The following ELAPOR2 variants were observed in gnomAD, a reference collection of about 807,000 sequenced individuals.
ELAPOR2 encodes endosome/lysosome-associated apoptosis and autophagy regulator family member 2.
In ELAPOR2, 89 loss-of-function variants were observed where a neutral mutation model predicts 120.7. The observed-to-expected ratio is 0.74, with a 90% CI of 0.62 to 0.88. The LOEUF (loss-of-function observed/expected upper bound fraction) is 0.88. Ranked by LOEUF, ELAPOR2 falls within the 40% of genes least tolerant of loss-of-function variation. The pLI is 0.00. For synonymous variants in ELAPOR2, 444 were observed against 444.9 expected, an observed-to-expected ratio of 1.00 and a Z score of 0.03; for missense variants, 1,134 against 1,251.6, an observed-to-expected ratio of 0.91 and a Z score of 1.42.
At chr7:86,934,467 T>C (rs1487149799) in intron 8 of ELAPOR2, among the ~76,000 whole-genome samples, 1 of 152,026 alleles carries the variant, frequency 6.6e-6, no homozygotes, top group Non-Finnish European at 1.5e-5. Flanking sequence ...CCAAATCCAA[T>C]GGATACTTTT....
chr7:86,959,688 T>C (rs1167394689), intron 2 of ELAPOR2, among the ~76,000 whole-genome samples: 2 of 152,234 alleles, frequency 1.3e-5, no homozygotes, highest in East Asian at 1.9e-4. Flanking sequence ...GGTCATGACA[T>C]ATTCTTCTTT....
At chr7:86,977,468 A>G (rs879287354) in intron 1 of ELAPOR2, among the ~76,000 whole-genome samples, 4 of 151,852 alleles carry the variant, frequency 2.6e-5, no homozygotes, top group Non-Finnish European at 4.4e-5. Context: ...CTTTCACCCA[A>G]TCTCTCCCCG....
chr7:87,033,073 G>GATT (rs2116738943), intron 1 of ELAPOR2, among the ~76,000 whole-genome samples: 2 of 152,316 alleles, frequency 1.3e-5, no homozygotes, highest in East Asian at 3.9e-4. Flanking sequence ...TAGCCTCTAA[G>GATT]AATCAGTCAT....
At chr7:86,894,397 G>A (rs576381419) in intron 19 of ELAPOR2, among the ~76,000 whole-genome samples, 6 of 151,878 alleles carry the variant, frequency 4.0e-5, no homozygotes, top group Non-Finnish European at 5.9e-5. Flanking sequence ...AAACAAATTC[G>A]TCAGCAAATG....
intron 1 of ELAPOR2, among the ~76,000 whole-genome samples, chr7:87,015,087 C>A (rs895484284): frequency 4.6e-5 from 7 of 151,994 alleles, no homozygotes; most frequent in African/African-American, 1.7e-4. Flanking sequence ...TAAATTTGCA[C>A]ATGCTAATAG....
chr7:86,983,794 C>T (rs545017023), intron 1 of ELAPOR2, among the ~76,000 whole-genome samples: 5 of 152,256 alleles, frequency 3.3e-5, no homozygotes, highest in Non-Finnish European at 5.9e-5. Context: ...GGCAAAATAA[C>T]CAGCTAACAT....
chr7:86,984,630 T>C (rs913803673), intron 1 of ELAPOR2, among the ~76,000 whole-genome samples: 3 of 152,136 alleles, frequency 2.0e-5, no homozygotes, highest in African/African-American at 7.2e-5. Context: ...ATGTTCTTTG[T>C]AACCAATGAG....
chr7:86,942,856 A>G (rs924633537), intron 4 of ELAPOR2, among the ~76,000 whole-genome samples: 3 of 152,028 alleles, frequency 2.0e-5, no homozygotes, highest in African/African-American at 7.2e-5. Context: ...AGATCTCATC[A>G]TCTATATTCC....
At chr7:86,942,619 C>T (rs550976890) in intron 4 of ELAPOR2, among the ~76,000 whole-genome samples, 191 of 152,136 alleles carry the variant, frequency 1.3e-3, no homozygotes, top group Non-Finnish European at 2.3e-3. Context: ...TGGCCAAAGT[C>T]AAAGTTCCAA....
chr7:87,030,865 T>C (rs1174500579), intron 1 of ELAPOR2, among the ~76,000 whole-genome samples: 4 of 152,126 alleles, frequency 2.6e-5, no homozygotes, highest in Non-Finnish European at 1.5e-5. Context: ...GGGTAATTTA[T>C]AAAGAAAAAG....
chr7:86,910,756 AAAAAT>A (rs199989269), intron 15 of ELAPOR2, among the ~76,000 whole-genome samples: 1,720 of 152,244 alleles, frequency 0.011, 39 homozygotes, highest in African/African-American at 0.04. Context: ...AAGTAAATGT[AAAAAT>A]AATACAGGAA....
chr7:87,043,237 G>A (rs1794841226), intron 1 of ELAPOR2, among the ~76,000 whole-genome samples: 1 of 151,728 alleles, frequency 6.6e-6, no homozygotes, highest in South Asian at 2.1e-4. Context: ...TAGAAAAAGA[G>A]GGAATCCTCC....
At chr7:86,882,676 A>G (rs1799468891) in intron 21 of ELAPOR2, among the ~76,000 whole-genome samples, 1 of 152,110 alleles carries the variant, frequency 6.6e-6, no homozygotes, top group South Asian at 2.1e-4. Context: ...CCCAAGTCCT[A>G]CCACTTGGTA....
chr7:86,910,025 AAAGG>A, intron 15 of ELAPOR2, 24 bp from the exon 16 acceptor site: 1 of 1,575,618 alleles, frequency 6.3e-7, no homozygotes, highest in Non-Finnish European at 8.7e-7. Flanking sequence ...GTCATAAAAG[AAAGG>A]TTTTATTGGA....
chr7:87,043,841 G>T (rs982228317), intron 1 of ELAPOR2, among the ~76,000 whole-genome samples: 1 of 151,560 alleles, frequency 6.6e-6, no homozygotes, highest in Non-Finnish European at 1.5e-5. Context: ...CAGACGACAT[G>T]ACTGTATATC....
intron 2 of ELAPOR2, among the ~76,000 whole-genome samples, chr7:86,955,423 A>T (rs1446912262): frequency 6.6e-6 from 1 of 152,012 alleles, no homozygotes; most frequent in Non-Finnish European, 1.5e-5. Flanking sequence ...TTTCATGTCA[A>T]AACATACAAG....
chr7:87,032,921 A>C (rs2116738405), intron 1 of ELAPOR2, among the ~76,000 whole-genome samples: 1 of 152,336 alleles, frequency 6.6e-6, no homozygotes, highest in Non-Finnish European at 1.5e-5. Flanking sequence ...TGGAATTAAC[A>C]TCTACCTTGG....
At chr7:86,911,516 A>C in intron 15 of ELAPOR2, 3 of 419,974 alleles carry the variant, frequency 7.1e-6, no homozygotes, top group South Asian at 5.2e-5. Flanking sequence ...TGTCCATTAA[A>C]ATATTGGGCA....
At chr7:86,906,757 A>G (rs1789038881) in intron 18 of ELAPOR2, among the ~76,000 whole-genome samples, 1 of 152,116 alleles carries the variant, frequency 6.6e-6, no homozygotes, top group South Asian at 2.1e-4. Flanking sequence ...GGCTGGGTGC[A>G]ATGGGTCACA....
Sources: allele counts gnomAD v4.1 joint callset (sites outside exome capture counted in the v4.1 genomes callset), GRCh38; gene constraint gnomAD v4.1.1; transcripts MANE v1.5; gene names NCBI Gene and HGNC (gene_info 2026-07-23, HGNC 2026-07-21).